The following TLK1 variants were observed in gnomAD, a reference collection of about 807,000 sequenced individuals.
TLK1 encodes serine/threonine-protein kinase tousled-like 1.
In TLK1, 24 loss-of-function variants were observed where a neutral mutation model predicts 105.3. The observed-to-expected ratio is 0.23, with a 90% CI of 0.17 to 0.32. The LOEUF (loss-of-function observed/expected upper bound fraction) is 0.32. TLK1 is among the 10% of genes least tolerant of loss of function. The pLI is 1.00. For synonymous variants in TLK1, 321 were observed against 310.4 expected (o/e 1.03, Z -0.36); for missense variants, 558 against 910.5 (o/e 0.61, Z 4.98).
At chr2:170,994,588 C>T (rs1342082143) in intron 20 of TLK1, 3 of 335,656 alleles carry the variant, frequency 8.9e-6, no homozygotes, top group Non-Finnish European at 1.8e-5. Context: ...TAGAAATGCA[C>T]ACAAATCGTT....
At chr2:171,125,489 T>TA (rs1436544232) in intron 1 of TLK1, among the ~76,000 whole-genome samples, 7 of 152,220 alleles carry the variant, frequency 4.6e-5, no homozygotes, top group Non-Finnish European at 8.8e-5. Flanking sequence ...ACAAATAAAA[T>TA]AAAAAATTGC....
chr2:171,056,305 G>A (rs1360789400), intron 6 of TLK1, among the ~76,000 whole-genome samples, 166 bp downstream of exon 6: 9 of 151,986 alleles, frequency 5.9e-5, no homozygotes, highest in Admixed American at 5.9e-4. Flanking sequence ...AATAGCACCA[G>A]ATAACTTAAA....
At chr2:171,134,784 G>A (rs1691241266) in intron 1 of TLK1, among the ~76,000 whole-genome samples, 1 of 141,574 alleles carries the variant, frequency 7.1e-6, no homozygotes, top group East Asian at 2.0e-4. Context: ...AAGCTGGCGA[G>A]CAGTAGTGCC....
At chr2:171,121,970 C>G (rs748402608) in intron 1 of TLK1, among the ~76,000 whole-genome samples, 1 of 152,118 alleles carries the variant, frequency 6.6e-6, no homozygotes, top group Non-Finnish European at 1.5e-5. Flanking sequence ...TTTTTTGAGA[C>G]GCAGTCTCAC....
intron 1 of TLK1, among the ~76,000 whole-genome samples, chr2:171,175,308 GA>G (rs151190588): frequency 1.0e-4 from 15 of 146,276 alleles, no homozygotes; most frequent in Non-Finnish European, 1.8e-4. Context: ...AAAAACATTT[GA>G]AAAAAAAAAG....
chr2:171,059,263 G>A (rs1687637412), intron 4 of TLK1, among the ~76,000 whole-genome samples: 1 of 152,134 alleles, frequency 6.6e-6, no homozygotes, highest in Non-Finnish European at 1.5e-5. Flanking sequence ...TTTTAATGAA[G>A]ACAGATGGTT....
chr2:171,032,585 G>A (rs1002780418), intron 11 of TLK1, among the ~76,000 whole-genome samples: 1 of 152,166 alleles, frequency 6.6e-6, no homozygotes. Flanking sequence ...TTGCTAAGGA[G>A]TTCAAAAAGA....
At chr2:171,222,286 TA>T (rs1472826504) in intron 1 of TLK1, among the ~76,000 whole-genome samples, 1 of 152,168 alleles carries the variant, frequency 6.6e-6, no homozygotes, top group African/African-American at 2.4e-5. Context: ...GATTTCAGGG[TA>T]AATTTGTAAT....
At chr2:171,093,366 G>A (rs1209589729) in intron 2 of TLK1, among the ~76,000 whole-genome samples, 1 of 152,172 alleles carries the variant, frequency 6.6e-6, no homozygotes, top group Admixed American at 6.5e-5. Flanking sequence ...TAGATGGAAT[G>A]AGGTAATCAG....
At chr2:171,172,601 C>T (rs1376962115) in intron 1 of TLK1, among the ~76,000 whole-genome samples, 1 of 151,974 alleles carries the variant, frequency 6.6e-6, no homozygotes. Context: ...TTTTCTCCTC[C>T]GTGCTGTTCT....
chr2:171,140,755 TA>T (rs1214551476), intron 1 of TLK1, among the ~76,000 whole-genome samples: 2 of 152,064 alleles, frequency 1.3e-5, no homozygotes, highest in Admixed American at 1.3e-4. Flanking sequence ...TCATACACAA[TA>T]AAAATTAACC....
intron 11 of TLK1, among the ~76,000 whole-genome samples, chr2:171,044,011 T>C (rs1338611696): frequency 6.6e-6 from 1 of 152,238 alleles, no homozygotes; most frequent in Non-Finnish European, 1.5e-5. Context: ...ATGTTTTAAT[T>C]GTAACTTACA....
At chr2:171,168,898 T>G (rs1164659315) in intron 1 of TLK1, among the ~76,000 whole-genome samples, 1 of 152,086 alleles carries the variant, frequency 6.6e-6, no homozygotes, top group Non-Finnish European at 1.5e-5. Context: ...CTGGCCAACA[T>G]GGTGAAACCT....
At chr2:171,189,319 ACCATGC>A (rs1177721031) in intron 1 of TLK1, among the ~76,000 whole-genome samples, 4 of 151,880 alleles carry the variant, frequency 2.6e-5, no homozygotes, top group Non-Finnish European at 5.9e-5. Context: ...GGCGCCCACC[ACCATGC>A]CCTGTTAAGT....
At chr2:171,217,233 A>G (rs1009364806) in intron 1 of TLK1, among the ~76,000 whole-genome samples, 4 of 152,346 alleles carry the variant, frequency 2.6e-5, no homozygotes, top group Admixed American at 1.3e-4. Flanking sequence ...AATTCTTCCA[A>G]CATTTATGAA....
chr2:171,011,466 G>C lies in TLK1; in HGVS notation c.1335-12C>G, dbSNP rs1171556170. On this transcript the variant is annotated splice_polypyrimidine_tract_variant and intron_variant, in intron 13 of 20. Transcript: ENST00000431350. ...GGTGATCTTTGAACCTTAGAGGTGG[G>C]GGCAAAAAACAGACATATTAAAACA... 6.3e-7 allele frequency: 1 copy of C among 1,599,366 alleles called. No homozygotes were observed. The highest frequency in any genetic ancestry group is 8.5e-7 in the Non-Finnish European group (1 of 1,173,614).
intron 1 of TLK1, among the ~76,000 whole-genome samples, chr2:171,230,986 C>T (rs1028934241): frequency 7.2e-5 from 11 of 152,176 alleles, no homozygotes; most frequent in Middle Eastern, 3.4e-3. Flanking sequence ...ACCTCTTCCT[C>T]GGGTATTTAA....
At chr2:171,062,597 TAC>T (rs1687807655) in intron 3 of TLK1, among the ~76,000 whole-genome samples, 1 of 152,182 alleles carries the variant, frequency 6.6e-6, no homozygotes, top group Admixed American at 6.5e-5. Context: ...ACCCCTAGCA[TAC>T]AGTTATTACT....
chr2:171,208,705 G>A (rs1421353227), intron 1 of TLK1, among the ~76,000 whole-genome samples: 1 of 152,172 alleles, frequency 6.6e-6, no homozygotes, highest in East Asian at 1.9e-4. Context: ...CAAAAATGAG[G>A]CATTTGATAT....
Sources: allele counts gnomAD v4.1 joint callset (sites outside exome capture counted in the v4.1 genomes callset), GRCh38; gene constraint gnomAD v4.1.1; transcripts MANE v1.5; gene names NCBI Gene and HGNC (gene_info 2026-07-23, HGNC 2026-07-21).